The following PRRC2A variants were observed in gnomAD, a reference collection of about 807,000 sequenced individuals.
The protein encoded by PRRC2A is proline rich coiled-coil 2A, also known as protein PRRC2A.
Under a neutral mutation model 224.6 loss-of-function variants are expected in PRRC2A, and 59 were observed. The ratio of observed to expected loss-of-function variants is 0.26; its 90% CI spans 0.21 to 0.33. PRRC2A has a LOEUF of 0.33. Among genes scored for constraint, PRRC2A ranks in the 10% least tolerant of loss-of-function variants. The pLI is 1.00. For missense variants in PRRC2A, 3,095 were observed against 2,880.7 expected, an observed-to-expected ratio of 1.07 and a Z score of -1.70; for synonymous variants, 1,194 against 1,109.5, an observed-to-expected ratio of 1.08 and a Z score of -1.51.
At chr6:31,623,204 C>A in intron 2 of PRRC2A, 1 of 664,362 alleles carries the variant, frequency 1.5e-6, no homozygotes. Context: ...CAACCAATCT[C>A]ACATAAAAGT....
In PRRC2A at chr6:31,631,053, T is replaced by A; in HGVS notation, c.2466-86T>A. ...CAAACAGAAAAATAGTAAAAGAGAG[T>A]CTGCATCATAATAAAGTGTTCTTTT... On this transcript the variant is annotated intron_variant, in intron 15 of 30. Coordinates refer to ENST00000376033, the MANE Select transcript of PRRC2A (RefSeq NM_004638.4). This position sits in a 1 kb window ranked among gnomAD's most constrained non-coding sequence, Gnocchi z 4.5. 2 of 1,336,344 alleles carry A rather than the reference T, an allele frequency of 1.5e-6. No individual in the cohort carries two copies. The highest frequency in any genetic ancestry group is 2.0e-6 in the Non-Finnish European group (2 of 978,110). The allele number at this position is 1,336,344 out of a possible 1,614,324, so 82.8% of individuals were successfully genotyped here. A position where few individuals can be genotyped will look rare whatever the true frequency, so the allele number is the denominator to read the frequency against.
At chr6:31,630,352 AAATGAATG>A (rs200160367) in intron 14 of PRRC2A, among the ~76,000 whole-genome samples, 4 of 152,204 alleles carry the variant, frequency 2.6e-5, no homozygotes, top group Non-Finnish European at 5.9e-5. Context: ...TCCATCTCAA[AAATGAATG>A]AATGAATGAA....
chr6:31,636,172 C>T lies in PRRC2A; in HGVS notation c.5625-37C>T, dbSNP rs1398704666. ...ACTTAAGGCATTGCTAGGACTCTGG[C>T]TTCCTAACAGCTTTTCTCCCCACAA... On this transcript the variant is annotated intron_variant, in intron 25 of 30. Transcript: ENST00000376033. This position sits in a 1 kb window ranked among gnomAD's most constrained non-coding sequence, Gnocchi z 4.3. 1.1e-5 allele frequency: 17 copies of T among 1,591,320 alleles called. No individual in the cohort carries two copies. Among genetic ancestry groups the T allele is most frequent in the Middle Eastern group, 1.7e-4 (1 of 6,016 alleles).
rs762459576 is a variant in PRRC2A at position 31,627,005 on chromosome 6, G to A, written c.1097G>A (p.Gly366Asp). The change falls in exon 11 of 31, where the codon GGT becomes GAT. Residue 366 changes from glycine to aspartate, a missense_variant. This residue lies in a region of PRRC2A where 2,001 missense variants were observed against 1,764.9 expected (regional missense o/e 1.13). Transcript: ENST00000376033. The surrounding 1 kb of genome is among the most constrained non-coding windows in gnomAD (Gnocchi z 5.6). ...AGCAGGGATTCCCAATCAGCTTCTG[G>A]TGAGGAACGGCCCCCTGAAGCAGAT... Reference protein sequence around the residue: ...EGHRDSQSASGEERPPEADGK... With the variant: ...EGHRDSQSASDEERPPEADGK... The A allele has an allele frequency of 6.2e-7, 1 of 1,614,148 alleles. No individual in the cohort carries two copies. Among genetic ancestry groups the A allele is most frequent in the Non-Finnish European group, 8.5e-7 (1 of 1,180,030 alleles).
In PRRC2A at chr6:31,637,118, G is replaced by A. The variant is rs770640364; in HGVS notation, c.6224G>A (p.Arg2075Gln). 75 of 1,610,772 alleles carry A rather than the reference G, an allele frequency of 4.7e-5. No homozygotes were observed. The highest frequency in any genetic ancestry group is 6.7e-5 in the Admixed American group (4 of 59,746). Reference protein sequence around the residue: ...SSNLGGPGSSRTPPTGRSFSG... With the variant: ...SSNLGGPGSSQTPPTGRSFSG... ...AACCTTGGGGGACCTGGATCATCAC[G>A]GACTCCCCCAACTGGAAGGTGAAAC... The change falls in exon 29 of 31, where the codon CGG becomes CAG. Residue 2075 changes from arginine to glutamine, a missense_variant. By Grantham distance (43) the Arg-to-Gln change is conservative (BLOSUM62 1). Coordinates refer to ENST00000376033, the MANE Select transcript of PRRC2A (RefSeq NM_004638.4).
intron 5 of PRRC2A, chr6:31,624,803 CTTTT>C: frequency 2.2e-6 from 1 of 459,078 alleles, no homozygotes; most frequent in Non-Finnish European, 3.9e-6. Flanking sequence ...GAGCCTTCCA[CTTTT>C]TTTTTTTTTG....
chr6:31,623,324 A>G (rs1212949593), intron 2 of PRRC2A: 4 of 423,580 alleles, frequency 9.4e-6, no homozygotes, highest in African/African-American at 4.6e-5. Flanking sequence ...CTGGAGTGCA[A>G]TGGTGTGATC....
At chr6:31,630,177 C>T (rs1192029674) in intron 14 of PRRC2A, among the ~76,000 whole-genome samples, 1 of 152,080 alleles carries the variant, frequency 6.6e-6, no homozygotes, top group Non-Finnish European at 1.5e-5. Context: ...AAGTAGCCGG[C>T]GTGGTGGCGC....
rs755087443 is a variant in PRRC2A at position 31,627,047 on chromosome 6, C to A, written c.1139C>A (p.Ser380Tyr). Residue 380 changes from serine (S) to tyrosine (Y), a missense_variant, in exon 11 of 31, where the codon TCC (serine) becomes TAC (tyrosine). By Grantham distance (144) the Ser-to-Tyr change is moderately radical. Around this residue, in one of 8 missense-constraint regions of PRRC2A, gnomAD observed 2,001 missense variants for 1,764.9 expected, o/e 1.13. Transcript: ENST00000376033. The surrounding 1 kb of genome is among the most constrained non-coding windows in gnomAD (Gnocchi z 5.6). The stretch of plus-strand genomic sequence containing the variant: ...GAAGCAGATGGCAAAAAGGGCAACT[C>A]CCCCAACAGCGAACCGCCCACTCCT... ...PPEADGKKGNSPNSEPPTPKT... is the reference protein window; with the variant it reads ...PPEADGKKGNYPNSEPPTPKT... 6.2e-7 allele frequency: 1 copy of A among 1,614,166 alleles called. No individual in the cohort carries two copies.
intron 12 of PRRC2A, among the ~76,000 whole-genome samples, 200 bp downstream of exon 12, chr6:31,628,439 C>T (rs1413705184): frequency 6.6e-6 from 1 of 152,146 alleles, no homozygotes; most frequent in African/African-American, 2.4e-5. Context: ...AGTCTAATAC[C>T]ATTTCTTGGC....
At position 31,633,542 on chromosome 6, in the gene PRRC2A, G is replaced by T; in HGVS notation, c.4483G>T (p.Gly1495Cys). The change falls in exon 17 of 31, where the codon GGT becomes TGT. Residue 1495 changes from glycine (G) to cysteine (C), a missense_variant. Transcript: ENST00000376033. The stretch of plus-strand genomic sequence containing the variant: ...TCAAGGGAGTGTAACTGCACCAGGG[G>T]GTCATCCAAGGCACAAGCCTGGGCT... The part of the protein sequence containing the change: ...SRQGSVTAPG[G>C]HPRHKPGLPQ... 1.9e-6 allele frequency: 3 copies of T among 1,613,056 alleles called. No homozygotes were observed. Among genetic ancestry groups the T allele is most frequent in the Non-Finnish European group, 2.5e-6 (3 of 1,179,980 alleles).
In PRRC2A at chr6:31,630,514, G is replaced by T. The variant is rs887364383; in HGVS notation, c.2255-77G>T. Reference sequence around the variant, plus strand: ...AAGAGATGGAAGAGCTGACTTGACCGCGAGGGGAGATGCTTTTTGGGCTGG... The same window carrying T: ...AAGAGATGGAAGAGCTGACTTGACCTCGAGGGGAGATGCTTTTTGGGCTGG... On this transcript the variant is annotated intron_variant, in intron 14 of 30. Coordinates refer to ENST00000376033, the MANE Select transcript of PRRC2A (RefSeq NM_004638.4). The T allele has an allele frequency of 1.4e-5, 21 of 1,486,322 alleles. No individual in the cohort carries two copies. In the African/African-American group the frequency reaches 2.5e-4, roughly 18 times the overall value. 92.1% of individuals were successfully genotyped at this position (1,486,322 alleles called of 1,614,324 possible).
rs1427129944 is a variant in PRRC2A at position 31,631,717 on chromosome 6, A to G, written c.3044A>G (p.Tyr1015Cys). The G allele has an allele frequency of 2.0e-6, 3 of 1,519,240 alleles. No individual in the cohort carries two copies. Among genetic ancestry groups the G allele is most frequent in the South Asian group, 1.3e-5 (1 of 76,012 alleles). 94.1% of individuals were successfully genotyped at this position (1,519,240 alleles called of 1,614,324 possible). ...CCAAGGCTTCGGAGGGACTATTCGT[A>G]TGAAAGAGTGGGTCCTACCTCTTGC... is the stretch of plus-strand genomic sequence containing the variant. The part of the protein sequence containing the change: ...PAPRLRRDYS[Y>C]ERVGPTSCRG... The change falls in exon 16 of 31, where the codon TAT (tyrosine) becomes TGT (cysteine). Residue 1015 changes from tyrosine to cysteine, a missense_variant. This residue lies in a region of PRRC2A where 2,001 missense variants were observed against 1,764.9 expected (regional missense o/e 1.13). Transcript: ENST00000376033. The surrounding 1 kb of genome is among the most constrained non-coding windows in gnomAD (Gnocchi z 4.5).
intron 9 of PRRC2A, 60 bp from the exon 10 acceptor site, chr6:31,626,712 C>A: frequency 6.9e-7 from 1 of 1,444,120 alleles, no homozygotes; most frequent in Non-Finnish European, 9.5e-7. Flanking sequence ...TAGTTCCAGA[C>A]TACCTCCCAA....
chr6:31,634,175 T>C (rs1444931967), intron 18 of PRRC2A, 61 bp from the exon 19 acceptor site: 1 of 1,572,238 alleles, frequency 6.4e-7, no homozygotes, highest in Non-Finnish European at 8.6e-7. Context: ...CTGTCCTGGC[T>C]TCCTATAATT....
In PRRC2A at chr6:31,631,829, G is replaced by A; in HGVS notation, c.3156G>A (p.Arg1052=). Residue 1052 remains arginine (R), a synonymous_variant, in exon 16 of 31, where the codon CGG becomes CGA. Coordinates refer to ENST00000376033, the MANE Select transcript of PRRC2A (RefSeq NM_004638.4). The surrounding 1 kb of genome is among the most constrained non-coding windows in gnomAD (Gnocchi z 4.5). ...YGGRGRGARS[R]EFRSYREFRG... ...GACGAGGGCGGGGAGCCCGAAGCCG[G>A]GAATTCCGCAGTTACCGAGAGTTTC... 6 of 1,598,208 alleles carry A rather than the reference G, an allele frequency of 3.8e-6. No individual in the cohort carries two copies. Among genetic ancestry groups the A allele is most frequent in the South Asian group, 3.3e-5 (3 of 89,986 alleles).
intron 22 of PRRC2A, 24 bp from the exon 23 acceptor site, chr6:31,635,370 T>G: frequency 6.2e-7 from 1 of 1,614,148 alleles, no homozygotes; most frequent in Non-Finnish European, 8.5e-7. Context: ...CGGGACAATG[T>G]CTCCTGCCTT....
chr6:31,629,361 G>C (rs1776276921), intron 13 of PRRC2A, 27 bp downstream of exon 13: 1 of 1,536,090 alleles, frequency 6.5e-7, no homozygotes, highest in South Asian at 1.3e-5. Context: ...TACCCTCTAA[G>C]GGCTGCTTTT....
At position 31,637,527 on chromosome 6, in the gene PRRC2A, C is replaced by A; in HGVS notation, c.6415C>A (p.Arg2139=). The A allele has an allele frequency of 6.3e-7, 1 of 1,587,000 alleles. No homozygotes were observed. Among genetic ancestry groups the A allele is most frequent in the South Asian group, 1.1e-5 (1 of 87,922 alleles). The part of the protein sequence containing the change: ...GPPPREGPSR[R]AEEPGSRGDK... Reference sequence around the variant, plus strand: ...GCCACCTCGAGAAGGGCCCTCCCGACGGGCAGAGGAGCCTGGGTCCCGAGG... The same window carrying A: ...GCCACCTCGAGAAGGGCCCTCCCGAAGGGCAGAGGAGCCTGGGTCCCGAGG... The change falls in exon 31 of 31, where the codon CGG becomes AGG. Residue 2139 remains arginine, a synonymous_variant. Transcript: ENST00000376033.
Sources: gnomAD v4.1 joint callset for allele counts (sites outside exome capture counted in the v4.1 genomes callset) on GRCh38, gnomAD v4.1.1 for gene constraint, gnomAD v4.1.1 regional missense constraint, Gnocchi (gnomAD v3.1) non-coding constraint, MANE v1.5 for transcripts, NCBI Gene and HGNC (gene_info 2026-07-23, HGNC 2026-07-21) for gene names.